The following DRD3 variants were observed in gnomAD, a reference collection of about 807,000 sequenced individuals.
The protein encoded by DRD3 is dopamine receptor D3.
Under a neutral mutation model 36.3 loss-of-function variants are expected in DRD3, and 19 were observed. That is an observed-to-expected ratio of 0.52 (90% CI 0.36 to 0.77). DRD3 has a LOEUF of 0.77. Among genes scored for constraint, DRD3 ranks in the 30% least tolerant of loss-of-function variants. DRD3 has a pLI of 0.00. For synonymous variants in DRD3, 195 were observed against 203.7 expected, an observed-to-expected ratio of 0.96 and a Z score of 0.36; for missense variants, 465 against 505.3, an observed-to-expected ratio of 0.92 and a Z score of 0.77.
chr3:114,159,701 CT>C, intron 3 of DRD3, 53 bp downstream of exon 3: 1 of 1,485,116 alleles, frequency 6.7e-7, no homozygotes, highest in Non-Finnish European at 9.4e-7. Flanking sequence ...CACAATCTGT[CT>C]CTCCCCACTT....
chr3:114,159,783 G>C lies in DRD3; in HGVS notation c.355C>G (p.Leu119Val), dbSNP rs1162323018. 6 of 1,614,112 alleles carry C rather than the reference G, an allele frequency of 3.7e-6. No individual in the cohort carries two copies. Among genetic ancestry groups the C allele is most frequent in the Non-Finnish European group, 5.1e-6 (6 of 1,179,988 alleles). ...TCTATGCTGATGGCACAGAGATTAA[G>C]GATGCTGGCTGTACACATCATGACA... is the stretch of plus-strand genomic sequence containing the variant. ...LDVMMCTASILNLCAISIDRY... is the reference protein window; with the variant it reads ...LDVMMCTASIVNLCAISIDRY... The change falls in exon 3 of 7, where the codon CTT becomes GTT. Residue 119 changes from leucine to valine, a missense_variant. Transcript: ENST00000383673.
intron 3 of DRD3, among the ~76,000 whole-genome samples, chr3:114,154,075 A>G (rs1385971209): frequency 5.9e-5 from 9 of 152,168 alleles, no homozygotes; most frequent in African/African-American, 2.2e-4. Flanking sequence ...TGCTGGTGGA[A>G]AGTCAGGAGA....
intron 4 of DRD3, among the ~76,000 whole-genome samples, chr3:114,143,406 G>A (rs778785434): frequency 3.9e-5 from 6 of 152,174 alleles, no homozygotes; most frequent in South Asian, 2.1e-4. Context: ...TGTGGAGTAC[G>A]TACTATGTTT....
chr3:114,162,092 G>A (rs2077738638), intron 2 of DRD3, among the ~76,000 whole-genome samples: 1 of 152,206 alleles, frequency 6.6e-6, no homozygotes, highest in South Asian at 2.1e-4. Flanking sequence ...TATGTCATGT[G>A]TGTTGAGAGG....
intron 1 of DRD3, among the ~76,000 whole-genome samples, chr3:114,194,441 C>G (rs927500264): frequency 1.3e-5 from 2 of 152,116 alleles, no homozygotes; most frequent in African/African-American, 4.8e-5. Flanking sequence ...TACCACCATG[C>G]CCGGCTAATT....
chr3:114,142,445 A>G (rs537493450), intron 4 of DRD3, among the ~76,000 whole-genome samples: 3 of 152,272 alleles, frequency 2.0e-5, no homozygotes, highest in African/African-American at 7.2e-5. Context: ...GCTGACCTCT[A>G]AATTTTATAT....
At chr3:114,136,751 G>C (rs1260108760) in intron 5 of DRD3, among the ~76,000 whole-genome samples, 1 of 152,202 alleles carries the variant, frequency 6.6e-6, no homozygotes, top group African/African-American at 2.4e-5. Context: ...GAGGAATACT[G>C]TTCTCATATC....
At chr3:114,198,556 G>A (rs1210436585) in intron 1 of DRD3, among the ~76,000 whole-genome samples, 2 of 151,760 alleles carry the variant, frequency 1.3e-5, no homozygotes, top group Non-Finnish European at 2.9e-5. Flanking sequence ...TTTTTTTTGG[G>A]TAGATTTTTT....
chr3:114,162,101 G>A (rs2077738736), intron 2 of DRD3, among the ~76,000 whole-genome samples: 1 of 152,068 alleles, frequency 6.6e-6, no homozygotes, highest in Non-Finnish European at 1.5e-5. Context: ...TGTGTTGAGA[G>A]GTTTTACAAA....
chr3:114,163,333 A>G (rs1036897223), intron 2 of DRD3, among the ~76,000 whole-genome samples: 1 of 152,018 alleles, frequency 6.6e-6, no homozygotes, highest in Admixed American at 6.6e-5. Flanking sequence ...AATAAAGTGC[A>G]TCTAGGTGCC....
intron 3 of DRD3, 112 bp downstream of exon 3, chr3:114,159,643 G>T: frequency 1.7e-5 from 13 of 753,022 alleles, no homozygotes; most frequent in African/African-American, 3.5e-5. Flanking sequence ...GAAAGAAAAT[G>T]TTCCAGTGTC....
At chr3:114,142,593 G>C (rs2077535664) in intron 4 of DRD3, among the ~76,000 whole-genome samples, 1 of 152,164 alleles carries the variant, frequency 6.6e-6, no homozygotes, top group South Asian at 2.1e-4. Context: ...TATCTTGCAA[G>C]AATATTAATG....
In DRD3 at chr3:114,174,506, C is replaced by T. The variant is rs568698208; in HGVS notation, c.-35-2479G>A. Among the ~76,000 whole-genome samples the T allele has an allele frequency of 2.0e-5, 3 of 152,324 alleles. No individual in the cohort carries two copies. In the South Asian group the frequency reaches 6.2e-4, roughly 32 times the overall value. On this transcript the variant is annotated intron_variant, in intron 1 of 6. Coordinates refer to ENST00000383673, the MANE Select transcript of DRD3 (RefSeq NM_000796.6). ...AGTGGCTAATTATACGAAGGGAAAC[C>T]CTCAACTCTGAAAATCAATTCTGAG...
At chr3:114,139,355 G>T in intron 5 of DRD3, 145 bp downstream of exon 5, 1 of 772,618 alleles carries the variant, frequency 1.3e-6, no homozygotes, top group East Asian at 2.5e-5. Context: ...CCTTCAAAGC[G>T]CAGCCAAAAT....
At chr3:114,143,277 C>G (rs1348942673) in intron 4 of DRD3, among the ~76,000 whole-genome samples, 3 of 152,190 alleles carry the variant, frequency 2.0e-5, no homozygotes, top group Non-Finnish European at 2.9e-5. Flanking sequence ...AAGGCCTGTG[C>G]CGGGGGAGGG....
chr3:114,185,986 A>AT (rs1049501755), intron 1 of DRD3, among the ~76,000 whole-genome samples: 4 of 152,098 alleles, frequency 2.6e-5, no homozygotes, highest in Non-Finnish European at 4.4e-5. Flanking sequence ...GGGCTTGCAT[A>AT]TTTTTTTGTT....
intron 2 of DRD3, among the ~76,000 whole-genome samples, chr3:114,165,485 C>T (rs560945558): frequency 6.6e-6 from 1 of 152,166 alleles, no homozygotes; most frequent in African/African-American, 2.4e-5. Flanking sequence ...GTGATTTCTA[C>T]TGGTGACACT....
Position 114,191,303 on chromosome 3 carries a change from T to G in DRD3, c.-156+7970A>C, listed in dbSNP as rs2078009616. Among the ~76,000 whole-genome samples the G allele has an allele frequency of 3.9e-5, 6 of 152,182 alleles. No individual in the cohort carries two copies. In the South Asian group the frequency reaches 1.2e-3, roughly 32 times the overall value. On this transcript the variant is annotated intron_variant, in intron 1 of 7. Coordinates refer to the DRD3 transcript ENST00000460779. ...GTAGACTTGGTGCTTTCTTTGCTTC[T>G]CTGAAGAGGTGACAGATAAGCTCAT... is the stretch of plus-strand genomic sequence containing the variant.
chr3:114,192,390 T>C (rs1312612439), intron 1 of DRD3, among the ~76,000 whole-genome samples: 2 of 152,220 alleles, frequency 1.3e-5, no homozygotes, highest in East Asian at 1.9e-4. Flanking sequence ...TTGCTGTAGA[T>C]TGTGGGCCAA....
Sources: gnomAD v4.1 joint callset for allele counts (sites outside exome capture counted in the v4.1 genomes callset) on GRCh38, gnomAD v4.1.1 for gene constraint, MANE v1.5 for transcripts, NCBI Gene and HGNC (gene_info 2026-07-23, HGNC 2026-07-21) for gene names.